The following MTFR1 variants were observed in gnomAD, a reference collection of about 807,000 sequenced individuals.
MTFR1 encodes mitochondrial fission regulator 1.
A neutral mutation model predicts 38.8 loss-of-function variants in MTFR1; 28 were observed. The ratio of observed to expected loss-of-function variants is 0.72; its 90% CI spans 0.53 to 0.99. The LOEUF (loss-of-function observed/expected upper bound fraction) is 0.99. MTFR1 is among the 50% of genes least tolerant of loss of function. The pLI is 0.00. For synonymous variants in MTFR1, 145 were observed against 137.0 expected (o/e 1.06, Z -0.41); for missense variants, 358 against 395.5 (o/e 0.91, Z 0.81).
At chr8:65,734,837 G>A (rs995189628) in intron 3 of MTFR1, 12 of 1,611,786 alleles carry the variant, frequency 7.4e-6, no homozygotes, top group Non-Finnish European at 1.0e-5. Flanking sequence ...AGTAACATCC[G>A]CAGCGTGGAC....
chr8:65,745,709 G>A (rs778854877), intron 3 of MTFR1, among the ~76,000 whole-genome samples: 1 of 152,194 alleles, frequency 6.6e-6, no homozygotes, highest in Non-Finnish European at 1.5e-5. Context: ...GCACAGGAAG[G>A]TTATGTTTCC....
rs546775639 is a variant in MTFR1 at position 65,752,196 on chromosome 8, G to C, written c.*49-18751G>C. Among the ~76,000 whole-genome samples the C allele has an allele frequency of 1.3e-4, 20 of 152,218 alleles. 1 individual carries two copies. The highest frequency in any genetic ancestry group is 2.4e-4 in the Non-Finnish European group (16 of 68,012). ...CCTCTTCCAGTATTGTTAGTTACCA[G>C]AGCATATTTTTTTCCTTTCACTCTT... On this transcript the variant is annotated intron_variant, in intron 3 of 3. Coordinates refer to the MTFR1 transcript ENST00000521247.
intron 3 of MTFR1, among the ~76,000 whole-genome samples, chr8:65,730,575 T>A (rs1806840039): frequency 6.6e-6 from 1 of 152,120 alleles, no homozygotes; most frequent in African/African-American, 2.4e-5. Context: ...AATATTGTCT[T>A]CCGTGAAACT....
At chr8:65,698,750 CAG>C (rs1463813389) in intron 4 of MTFR1, among the ~76,000 whole-genome samples, 2 of 148,760 alleles carry the variant, frequency 1.3e-5, no homozygotes, top group Non-Finnish European at 3.0e-5. Context: ...TTTTTTGAGA[CAG>C]AGTTTCACTC....
intron 2 of MTFR1, among the ~76,000 whole-genome samples, chr8:65,674,584 C>T (rs1052577615): frequency 5.3e-5 from 8 of 151,878 alleles, no homozygotes; most frequent in African/African-American, 1.2e-4. Context: ...TGCACTCCAG[C>T]GTAGACTATA....
chr8:65,701,148 T>C (rs1374328481), intron 4 of MTFR1, among the ~76,000 whole-genome samples: 2 of 152,232 alleles, frequency 1.3e-5, no homozygotes, highest in Non-Finnish European at 2.9e-5. Flanking sequence ...CTTTCTCTAA[T>C]ATCTGCCCTT....
At chr8:65,745,497 T>G in intron 3 of MTFR1, 1 of 1,283,516 alleles carries the variant, frequency 7.8e-7, no homozygotes, top group African/African-American at 1.5e-5. Context: ...ACATTTCTAC[T>G]GTAATTTAAT....
chr8:65,707,895 C>A lies in MTFR1; in HGVS notation c.817C>A (p.Leu273Ile). ...AGTGGATGCTACTGACCCTGCTGCCCTCATAGCAGAGGCTCTGAAAAAGAA... is the reference window on the plus strand; with the variant it reads ...AGTGGATGCTACTGACCCTGCTGCCATCATAGCAGAGGCTCTGAAAAAGAA... ...KPVDATDPAA[L>I]IAEALKKKFA... Residue 273 changes from leucine (L) to isoleucine (I), a missense_variant, in exon 7 of 8, where the codon CTC (leucine) becomes ATC (isoleucine). Leu to Ile is a conservative substitution (Grantham distance 5). Coordinates refer to ENST00000262146, the MANE Select transcript of MTFR1 (RefSeq NM_014637.4). 6.2e-7 allele frequency: 1 copy of A among 1,614,150 alleles called. No homozygotes were observed. The highest frequency in any genetic ancestry group is 1.1e-5 in the South Asian group (1 of 91,082).
At chr8:65,744,698 T>G (rs1807593456) in intron 3 of MTFR1, among the ~76,000 whole-genome samples, 1 of 152,178 alleles carries the variant, frequency 6.6e-6, no homozygotes, top group Non-Finnish European at 1.5e-5. Flanking sequence ...ATGGCCACAA[T>G]CTAAAAGAAA....
At chr8:65,745,076 C>T (rs768941421) in intron 3 of MTFR1, among the ~76,000 whole-genome samples, 11 of 152,168 alleles carry the variant, frequency 7.2e-5, no homozygotes, top group Non-Finnish European at 1.5e-4. Flanking sequence ...ATAAGTCTAA[C>T]GAGATCTGAT....
At chr8:65,662,857 TG>T (rs923295621) in intron 1 of MTFR1, among the ~76,000 whole-genome samples, 3 of 145,718 alleles carry the variant, frequency 2.1e-5, no homozygotes, top group Non-Finnish European at 4.5e-5. Flanking sequence ...GGAAGGGAGG[TG>T]GGGGGGTTAG....
chr8:65,724,924 G>A, intron 3 of MTFR1: 1 of 1,572,100 alleles, frequency 6.4e-7, no homozygotes, highest in Non-Finnish European at 8.6e-7. Context: ...TTTGTTGCCT[G>A]GAAATAGAGA....
At chr8:65,732,923 T>A (rs1368186379) in intron 3 of MTFR1, among the ~76,000 whole-genome samples, 1 of 152,148 alleles carries the variant, frequency 6.6e-6, no homozygotes. Context: ...TTGACCAGGC[T>A]GGTCTCAAAC....
chr8:65,721,135 GT>G (rs894021714), intron 3 of MTFR1, among the ~76,000 whole-genome samples: 2 of 152,056 alleles, frequency 1.3e-5, no homozygotes, highest in African/African-American at 4.8e-5. Context: ...GCAGGACTCT[GT>G]TAATTAGTAC....
intron 2 of MTFR1, among the ~76,000 whole-genome samples, chr8:65,716,163 A>C (rs565990513): frequency 1.3e-5 from 2 of 151,220 alleles, no homozygotes; most frequent in Admixed American, 1.3e-4. Context: ...AAAAAAAAAA[A>C]CAAAAGGGCT....
Position 65,707,925 on chromosome 8 carries a change from G to T in MTFR1, c.847G>T (p.Ala283Ser), listed in dbSNP as rs1419135186. ...LIAEALKKKFAYRYRSDSQDE... is the reference protein window; with the variant it reads ...LIAEALKKKFSYRYRSDSQDE... ...AGCAGAGGCTCTGAAAAAGAAATTTGCTTATCGGTATCGAAGTGATAGCCA... is the reference window on the plus strand; with the variant it reads ...AGCAGAGGCTCTGAAAAAGAAATTTTCTTATCGGTATCGAAGTGATAGCCA... The change falls in exon 7 of 8, where the codon GCT becomes TCT. Residue 283 changes from alanine (A) to serine (S), a missense_variant. By Grantham distance (99) the Ala-to-Ser change is moderately conservative (BLOSUM62 1). Transcript: ENST00000262146. 6.2e-7 allele frequency: 1 copy of T among 1,614,086 alleles called. No individual in the cohort carries two copies. The highest frequency in any genetic ancestry group is 1.7e-5 in the Admixed American group (1 of 60,026).
chr8:65,655,296 C>G (rs1175454514), intron 1 of MTFR1, among the ~76,000 whole-genome samples: 1 of 152,116 alleles, frequency 6.6e-6, no homozygotes, highest in African/African-American at 2.4e-5. Flanking sequence ...ATCTAAATTG[C>G]ATTAGCTTGA....
At chr8:65,701,932 G>C (rs948753772) in intron 4 of MTFR1, among the ~76,000 whole-genome samples, 1 of 152,096 alleles carries the variant, frequency 6.6e-6, no homozygotes, top group Non-Finnish European at 1.5e-5. Flanking sequence ...AGATGTTACT[G>C]GTTTCTATTT....
intron 2 of MTFR1, among the ~76,000 whole-genome samples, chr8:65,715,715 G>A (rs141137731): frequency 0.042 from 6,082 of 146,420 alleles, 192 homozygotes; most frequent in Non-Finnish European, 0.062. Context: ...GCCGGGCACG[G>A]TGGCTCACGC....
Sources: gnomAD v4.1 joint callset for allele counts (sites outside exome capture counted in the v4.1 genomes callset) on GRCh38, gnomAD v4.1.1 for gene constraint, MANE v1.5 for transcripts, NCBI Gene and HGNC (gene_info 2026-07-23, HGNC 2026-07-21) for gene names.